The following BDNF variants were observed in gnomAD, a reference collection of about 807,000 sequenced individuals.
BDNF encodes the protein brain derived neurotrophic factor.
A neutral mutation model predicts 19.5 loss-of-function variants in BDNF; 1 was observed. That is an observed-to-expected ratio of 0.05 (90% CI 0.02 to 0.24). The LOEUF is 0.24. Among genes scored for constraint, BDNF ranks in the 10% least tolerant of loss-of-function variants. The pLI is 1.00. For synonymous variants in BDNF, 100 were observed against 121.6 expected, an observed-to-expected ratio of 0.82 and a Z score of 1.17; for missense variants, 195 against 317.6, an observed-to-expected ratio of 0.61 and a Z score of 2.93.
rs1329916066 is a variant in BDNF at position 27,656,855 on chromosome 11, G to A, written c.*966C>T. 25 of 985,260 alleles carry A rather than the reference G, an allele frequency of 2.5e-5. No individual in the cohort carries two copies. The highest frequency in any genetic ancestry group is 2.7e-5 in the Non-Finnish European group (22 of 829,886). 61.0% of individuals were successfully genotyped at this position (985,260 alleles called of 1,614,324 possible). A position where few individuals can be genotyped will look rare whatever the true frequency, so the allele number is the denominator to read the frequency against. On this transcript the variant is annotated 3_prime_UTR_variant, in exon 2 of 2. Transcript: ENST00000356660. ...TCCATGCTTATACGAGTGTCATGAT[G>A]TGACACAATGTGTTCACTTGTTCAC...
At position 27,657,631 on chromosome 11, in the gene BDNF, G is replaced by A. The variant is rs1016497679; in HGVS notation, c.*190C>T. On this transcript the variant is annotated 3_prime_UTR_variant, in exon 2 of 2. Transcript: ENST00000356660. The surrounding 1 kb of genome is among the most constrained non-coding windows in gnomAD (Gnocchi z 5.0). ...CAGACTTTTTAAGTTGTGCGCAAAT[G>A]ACTGTTTCCCTTCTGGTCATGGACA... 1.7e-5 allele frequency: 24 copies of A among 1,408,256 alleles called. No individual in the cohort carries two copies. The African/African-American group carries it at 3.3e-4, about 19-fold the overall frequency. 87.2% of individuals were successfully genotyped at this position (1,408,256 alleles called of 1,614,324 possible).
At chr11:27,709,349 A>G (rs1227400118) in intron 1 of BDNF, among the ~76,000 whole-genome samples, 1 of 152,214 alleles carries the variant, frequency 6.6e-6, no homozygotes, top group Non-Finnish European at 1.5e-5. Flanking sequence ...TAGTGTCTCA[A>G]TAGTCATAAA....
chr11:27,693,261 T>C (rs1858540531), intron 1 of BDNF, among the ~76,000 whole-genome samples: 1 of 152,226 alleles, frequency 6.6e-6, no homozygotes, highest in Admixed American at 6.5e-5. Context: ...GTAGCTATGA[T>C]AACAGCCTCT....
intron 1 of BDNF, among the ~76,000 whole-genome samples, chr11:27,679,694 G>A (rs1332782393): frequency 6.6e-6 from 1 of 152,148 alleles, no homozygotes; most frequent in Non-Finnish European, 1.5e-5. Flanking sequence ...TTTAGTTAGA[G>A]GCTCACAAGA....
At chr11:27,675,027 G>GATCAC in intron 1 of BDNF, 1 of 513,638 alleles carries the variant, frequency 1.9e-6, no homozygotes, top group Non-Finnish European at 2.5e-6. Flanking sequence ...GATTCCCTAA[G>GATCAC]ATCACATACC....
intron 1 of BDNF, chr11:27,660,313 T>C (rs766280279): frequency 2.1e-6 from 2 of 937,416 alleles, no homozygotes; most frequent in Middle Eastern, 2.5e-4. Flanking sequence ...TACTCTCACT[T>C]TGCACGAATA....
intron 1 of BDNF, among the ~76,000 whole-genome samples, chr11:27,679,623 A>G (rs1186324138): frequency 1.3e-5 from 2 of 152,216 alleles, no homozygotes; most frequent in East Asian, 1.9e-4. Flanking sequence ...CCACCTGTCA[A>G]TAGCCCTCAA....
At chr11:27,684,859 T>TC (rs1857281801) in intron 1 of BDNF, among the ~76,000 whole-genome samples, 3 of 152,268 alleles carry the variant, frequency 2.0e-5, no homozygotes, top group African/African-American at 7.2e-5. Flanking sequence ...CCTACAATTT[T>TC]ATTTTTTTGC....
intron 1 of BDNF, among the ~76,000 whole-genome samples, chr11:27,706,075 T>G (rs1860097642): frequency 6.6e-6 from 1 of 152,126 alleles, no homozygotes. Context: ...GTGGTAGTGA[T>G]GGACAAGAAA....
intron 1 of BDNF, among the ~76,000 whole-genome samples, chr11:27,692,387 G>T (rs1383656438): frequency 6.6e-6 from 1 of 152,060 alleles, no homozygotes; most frequent in Non-Finnish European, 1.5e-5. Flanking sequence ...TGTCACCCAG[G>T]CTGAAGAGCA....
intron 1 of BDNF, among the ~76,000 whole-genome samples, chr11:27,714,948 A>G (rs1860459719): frequency 6.6e-6 from 1 of 152,142 alleles, no homozygotes; most frequent in Admixed American, 6.6e-5. Context: ...AAGGAATCTT[A>G]TGAGTCCAGA....
chr11:27,704,057 G>A (rs1860015497), upstream of BDNF, among the ~76,000 whole-genome samples: 1 of 152,128 alleles, frequency 6.6e-6, no homozygotes, highest in Non-Finnish European at 1.5e-5. Context: ...CCTATTGTGG[G>A]CAAGGATGAT....
intron 1 of BDNF, chr11:27,674,053 T>C: frequency 6.3e-7 from 1 of 1,595,906 alleles, no homozygotes; most frequent in Non-Finnish European, 8.6e-7. Flanking sequence ...AGCTCTCTGT[T>C]ACTCACCTTT....
At chr11:27,701,587 G>C (rs1859898230), upstream of BDNF, 1 of 986,884 alleles carries the variant, frequency 1.0e-6, no homozygotes, top group Middle Eastern at 5.2e-4. Context: ...TCGCCGGGGG[G>C]AGCGGCAGCG....
chr11:27,709,979 G>C (rs959729298), intron 1 of BDNF, among the ~76,000 whole-genome samples: 1 of 152,230 alleles, frequency 6.6e-6, no homozygotes, highest in Non-Finnish European at 1.5e-5. Flanking sequence ...CAGTTCCTGA[G>C]CCAAGGTAAG....
At chr11:27,674,112 A>G (rs1391803144) in intron 1 of BDNF, 1 of 1,612,020 alleles carries the variant, frequency 6.2e-7, no homozygotes, top group Non-Finnish European at 8.5e-7. Context: ...TGAAACGTGG[A>G]GGTACACAGC....
chr11:27,670,155 G>A (rs1367162038), intron 1 of BDNF, among the ~76,000 whole-genome samples: 1 of 152,112 alleles, frequency 6.6e-6, no homozygotes, highest in African/African-American at 2.4e-5. Context: ...ACAAGAAATG[G>A]GGAAAGGATT....
chr11:27,675,525 T>A (rs1325150386), intron 1 of BDNF: 1 of 152,104 alleles, frequency 6.6e-6, no homozygotes, highest in African/African-American at 2.4e-5. Context: ...AAGGCCTAAG[T>A]GTCAACATGC....
chr11:27,666,385 TC>T (rs1389642647), intron 1 of BDNF, among the ~76,000 whole-genome samples: 2 of 152,158 alleles, frequency 1.3e-5, no homozygotes, highest in African/African-American at 4.8e-5. Context: ...GGAATGCAGC[TC>T]CTCGCCAGCA....
Sources: allele counts gnomAD v4.1 joint callset (sites outside exome capture counted in the v4.1 genomes callset), GRCh38; gene constraint gnomAD v4.1.1; non-coding constraint Gnocchi (gnomAD v3.1); transcripts MANE v1.5; gene names NCBI Gene and HGNC (gene_info 2026-07-23, HGNC 2026-07-21).